The following PAM variants were observed in gnomAD, a reference collection of about 807,000 sequenced individuals.
PAM encodes peptidyl-glycine alpha-amidating monooxygenase.
A neutral mutation model predicts 122.1 loss-of-function variants in PAM; 72 were observed. The ratio of observed to expected loss-of-function variants is 0.59; its 90% CI spans 0.49 to 0.72. The LOEUF (loss-of-function observed/expected upper bound fraction) is 0.72. Ranked by LOEUF, PAM falls within the 30% of genes least tolerant of loss-of-function variation. PAM has a pLI of 0.00. For synonymous variants in PAM, 389 were observed against 404.4 expected (o/e 0.96, Z 0.46); for missense variants, 1,106 against 1,183.7 (o/e 0.93, Z 0.96).
intron 3 of PAM, among the ~76,000 whole-genome samples, chr5:102,875,126 T>C (rs1417088616): frequency 6.6e-6 from 1 of 151,940 alleles, no homozygotes; most frequent in African/African-American, 2.4e-5. Context: ...ACATATATTG[T>C]AGAATATAAG....
intron 22 of PAM, among the ~76,000 whole-genome samples, chr5:103,018,204 G>A (rs1782568236): frequency 6.6e-6 from 1 of 151,930 alleles, no homozygotes; most frequent in Non-Finnish European, 1.5e-5. Flanking sequence ...AAATAATTGG[G>A]GATGATAAAT....
chr5:103,028,996 G>A lies in PAM; in HGVS notation c.2853G>A (p.Glu951=). 6.2e-7 allele frequency: 1 copy of A among 1,613,888 alleles called. No individual in the cohort carries two copies. Among genetic ancestry groups the A allele is most frequent in the Non-Finnish European group, 8.5e-7 (1 of 1,179,840 alleles). ...CTGAGGGCAGTGACCAAGAGAAAGAGGATGATGGAAGTGAATCAGAAGAGG... is the reference window on the plus strand; with the variant it reads ...CTGAGGGCAGTGACCAAGAGAAAGAAGATGATGGAAGTGAATCAGAAGAGG... ...LSTEGSDQEK[E]DDGSESEEEY... is the part of the protein sequence containing the mutation. The change falls in exon 26 of 26, where the codon GAG becomes GAA. Residue 951 remains glutamate (E), a synonymous_variant. Transcript: ENST00000438793.
At chr5:102,803,146 A>AAGGAAGGAAGGAAGGAAGG (rs1765250860) in intron 1 of PAM, among the ~76,000 whole-genome samples, 1 of 133,604 alleles carries the variant, frequency 7.5e-6, no homozygotes, top group Non-Finnish European at 1.6e-5. Flanking sequence ...AGAAAGAAAG[A>AAGGAAGGAAGGAAGGAAGG]AAGGAAGGAA....
At chr5:102,819,923 T>A (rs1205152216) in intron 1 of PAM, among the ~76,000 whole-genome samples, 3 of 152,212 alleles carry the variant, frequency 2.0e-5, no homozygotes, top group Non-Finnish European at 4.4e-5. Context: ...GCCTTCAGTC[T>A]GCCTAGAGAG....
At chr5:102,864,191 T>A (rs1273976941) in intron 1 of PAM, among the ~76,000 whole-genome samples, 3 of 146,276 alleles carry the variant, frequency 2.1e-5, no homozygotes, top group African/African-American at 7.4e-5. Flanking sequence ...TATATTTTTT[T>A]TTTTTTTAAA....
At chr5:103,005,911 T>C (rs984655567) in intron 18 of PAM, among the ~76,000 whole-genome samples, 1 of 147,774 alleles carries the variant, frequency 6.8e-6, no homozygotes, top group Non-Finnish European at 1.5e-5. Flanking sequence ...TCCTAACTTG[T>C]TGTTGTTGTT....
intron 3 of PAM, among the ~76,000 whole-genome samples, chr5:102,898,781 G>C (rs757163682): frequency 6.6e-6 from 1 of 151,564 alleles, no homozygotes; most frequent in Non-Finnish European, 1.5e-5. Context: ...CATTTTTTTA[G>C]AGAGGTTTGA....
At chr5:102,953,266 TACCAC>T (rs1219023017) in intron 12 of PAM, among the ~76,000 whole-genome samples, 10 of 152,120 alleles carry the variant, frequency 6.6e-5, no homozygotes, top group Non-Finnish European at 1.2e-4. Flanking sequence ...CATCTTAAAA[TACCAC>T]GATGTAAAAA....
In PAM at chr5:102,811,468, C is replaced by A. The variant is rs902526215; in HGVS notation, c.-373-54355C>A. Among the ~76,000 whole-genome samples the A allele has an allele frequency of 2.0e-5, 3 of 152,304 alleles. No homozygotes were observed. The South Asian group carries it at 6.2e-4, about 32-fold the overall frequency. ...GGTTCTCTGCAGCCAGGAAATTTAT[C>A]CACTTTAGAAGAGTCATGTCATTAG... On this transcript the variant is annotated intron_variant, in intron 1 of 25. Transcript: ENST00000438793.
chr5:102,965,162 G>GACACACACAC lies in PAM; in HGVS notation c.1162+3960_1162+3969dup, dbSNP rs66633444. On this transcript the variant is annotated intron_variant, in intron 14 of 25. Coordinates refer to ENST00000438793, the MANE Select transcript of PAM (RefSeq NM_001177306.2). ...GTTCACACTGATGTCTTCCAAAGCA[G>GACACACACAC]ACACACACACACACACACACACACA... 9.9e-3 allele frequency among the ~76,000 whole-genome samples: 1,376 copies of GACACACACAC among 138,790 alleles called. 17 individuals are homozygous for GACACACACAC. Among genetic ancestry groups the GACACACACAC allele is most frequent in the African/African-American group, 0.03 (1,127 of 37,812 alleles). The allele number at this position is 138,790 out of a possible 152,430, so 91.1% of individuals were successfully genotyped here.
At chr5:102,959,441 TATG>T (rs1427555517) in intron 12 of PAM, among the ~76,000 whole-genome samples, 1 of 152,100 alleles carries the variant, frequency 6.6e-6, no homozygotes, top group Admixed American at 6.6e-5. Context: ...ATAAATAATA[TATG>T]ATAATTATAT....
intron 16 of PAM, 64 bp from the exon 17 acceptor site, chr5:103,002,968 CT>C (rs1279121814): frequency 1.3e-6 from 1 of 778,658 alleles, no homozygotes; most frequent in African/African-American, 1.7e-5. Context: ...TGTGAATGGT[CT>C]GCATTTCTCA....
rs571070965 is a variant in PAM, at chr5:102,962,172, GA to G, written c.1162+947del. On this transcript the variant is annotated intron_variant, in intron 14 of 25. Transcript: ENST00000438793. Reference sequence around the variant, plus strand: ...TAAACAATTGAGACTTTAGAAAGGGGAAAATGCATTCTGAAAGAAGCATAAA... The same window carrying G: ...TAAACAATTGAGACTTTAGAAAGGGGAAATGCATTCTGAAAGAAGCATAAA... Among the ~76,000 whole-genome samples the G allele has an allele frequency of 6.6e-5, 10 of 151,904 alleles. No homozygotes were observed. In the East Asian group the frequency reaches 1.4e-3, roughly 21 times the overall value.
rs765955995 is a variant in PAM at position 103,003,167 on chromosome 5, T to C, written c.1730+18T>C. On this transcript the variant is annotated intron_variant, in intron 17 of 25. Transcript: ENST00000438793. ...AAAAATCTGTGAGTTAAATGACTTA[T>C]GTTGTTAAGACTTGTACTACATATA... 7 of 1,062,414 alleles carry C rather than the reference T, an allele frequency of 6.6e-6. No homozygotes were observed. The South Asian group carries it at 7.5e-5, about 11-fold the overall frequency. 65.8% of individuals were successfully genotyped at this position (1,062,414 alleles called of 1,614,324 possible).
intron 22 of PAM, 60 bp downstream of exon 22, chr5:103,017,493 A>C: frequency 2.0e-6 from 2 of 985,524 alleles, no homozygotes; most frequent in South Asian, 2.7e-5. Flanking sequence ...TTAAAAGCAT[A>C]TGAAACAAAA....
intron 3 of PAM, among the ~76,000 whole-genome samples, chr5:102,895,161 C>T (rs149667240): frequency 6.6e-6 from 1 of 151,866 alleles, no homozygotes; most frequent in East Asian, 1.9e-4. Flanking sequence ...TTCTGTCACA[C>T]CAAGTTCTGT....
intron 14 of PAM, among the ~76,000 whole-genome samples, chr5:102,968,892 T>C (rs1562074239): frequency 6.6e-6 from 1 of 152,172 alleles, no homozygotes; most frequent in South Asian, 2.1e-4. Context: ...ATATACACCA[T>C]GGACTACTAT....
intron 1 of PAM, among the ~76,000 whole-genome samples, chr5:102,815,782 C>G (rs1419189044): frequency 6.6e-6 from 1 of 152,092 alleles, no homozygotes; most frequent in Non-Finnish European, 1.5e-5. Context: ...ACTGGTGGTG[C>G]AGAAACAATA....
rs1297634727 is a variant in PAM at position 102,916,105 on chromosome 5, T to C, written c.356+2084T>C. Among the ~76,000 whole-genome samples the C allele has an allele frequency of 6.6e-5, 10 of 152,302 alleles. No homozygotes were observed. In the East Asian group the frequency reaches 1.7e-3, roughly 26 times the overall value. ...CAGTGAACTAACTTGCTGGATTCCC[T>C]GGGTAGGTTATTTAGCCCATCTGAG... On this transcript the variant is annotated intron_variant, in intron 5 of 25. Coordinates refer to ENST00000438793, the MANE Select transcript of PAM (RefSeq NM_001177306.2).
Sources: allele counts gnomAD v4.1 joint callset (sites outside exome capture counted in the v4.1 genomes callset), GRCh38; gene constraint gnomAD v4.1.1; transcripts MANE v1.5; gene names NCBI Gene and HGNC (gene_info 2026-07-23, HGNC 2026-07-21).